Variants in CCDC85C observed in about 807,000 individuals in gnomAD.
CCDC85C encodes coiled-coil domain containing 85C.
CCDC85C carries 18 observed loss-of-function variants against 38.3 expected under a neutral mutation model. The observed-to-expected ratio is 0.47, with a 90% CI of 0.33 to 0.70. The LOEUF (loss-of-function observed/expected upper bound fraction) is 0.70, where lower values mean the gene tolerates loss of function less well. CCDC85C is among the 30% of genes least tolerant of loss of function. The pLI, the probability that CCDC85C is intolerant of heterozygous loss-of-function variation, is 0.03. For missense variants in CCDC85C, 566 were observed against 621.2 expected (o/e 0.91, Z 0.94); for synonymous variants, 264 against 293.8 (o/e 0.90, Z 1.04).
chr14:99,578,530 T>C (rs531079470), intron 1 of CCDC85C, among the ~76,000 whole-genome samples: 150 of 152,274 alleles, frequency 9.9e-4, no homozygotes, highest in Non-Finnish European at 1.6e-3. Context: ...TGTGTGTGAC[T>C]GTGCACATGT....
rs908350778 is a variant in CCDC85C at position 99,572,311 on chromosome 14, C to T, written c.793+30856G>A. Among the ~76,000 whole-genome samples, 11 of 152,214 alleles carry T rather than the reference C, an allele frequency of 7.2e-5. No homozygotes were observed. Among genetic ancestry groups the T allele is most frequent in the Non-Finnish European group, 1.0e-4 (7 of 68,026 alleles). ...CATGCCATCACTGCCGTCTCCTCCCCGCTACTTTCCCCAAGGAAACTGAAA... is the reference window on the plus strand; with the variant it reads ...CATGCCATCACTGCCGTCTCCTCCCTGCTACTTTCCCCAAGGAAACTGAAA... On this transcript the variant is annotated intron_variant, in intron 1 of 5. Coordinates refer to ENST00000380243, the MANE Select transcript of CCDC85C (RefSeq NM_001144995.2). The surrounding 1 kb of genome is among the most constrained non-coding windows in gnomAD (Gnocchi z 4.4).
At chr14:99,541,853 G>A (rs1363653772) in intron 1 of CCDC85C, among the ~76,000 whole-genome samples, 1 of 152,200 alleles carries the variant, frequency 6.6e-6, no homozygotes, top group East Asian at 1.9e-4. Flanking sequence ...GGGAGCTGCA[G>A]TGACACACAG....
At chr14:99,598,327 G>A (rs542748670) in intron 1 of CCDC85C, among the ~76,000 whole-genome samples, 31 of 152,352 alleles carry the variant, frequency 2.0e-4, no homozygotes, top group South Asian at 2.1e-4. Context: ...AATCCCCACC[G>A]GCGGAAAACA....
chr14:99,519,810 C>T (rs904161687), intron 3 of CCDC85C, among the ~76,000 whole-genome samples: 1 of 152,182 alleles, frequency 6.6e-6, no homozygotes, highest in Non-Finnish European at 1.5e-5. Context: ...AAAGGCCACA[C>T]GTCATGTGAT....
rs1271937014 is a variant in CCDC85C, at chr14:99,508,439, C to G, written c.*6807G>C. ...GCTGTGGAGGCCTCAGAGCTCTGCT[C>G]CCTCCCCCATTACAGATAGCCAGGA... On this transcript the variant is annotated 3_prime_UTR_variant, in exon 6 of 6. Transcript: ENST00000380243. The G allele has an allele frequency of 1.3e-5, 2 of 152,346 alleles. No individual in the cohort carries two copies. Among genetic ancestry groups the G allele is most frequent in the African/African-American group, 2.4e-5 (1 of 41,454 alleles). 9.4% of individuals were successfully genotyped at this position (152,346 alleles called of 1,614,324 possible).
intron 1 of CCDC85C, among the ~76,000 whole-genome samples, chr14:99,579,519 G>A (rs2054942136): frequency 6.6e-6 from 1 of 152,222 alleles, no homozygotes; most frequent in South Asian, 2.1e-4. Flanking sequence ...CCAGATCCCA[G>A]GGCATGTGTT....
chr14:99,596,009 G>C (rs8007133), intron 1 of CCDC85C, among the ~76,000 whole-genome samples: 148,173 of 152,384 alleles, frequency 0.97, 72,177 homozygotes, highest in Middle Eastern at 1. Context: ...CCCAGATGAA[G>C]AGACAGTAAT....
At chr14:99,546,254 C>A (rs1295014695) in intron 1 of CCDC85C, among the ~76,000 whole-genome samples, 1 of 151,902 alleles carries the variant, frequency 6.6e-6, no homozygotes, top group Non-Finnish European at 1.5e-5. Context: ...GCCCTGCCCC[C>A]ACAGCTCTGC....
intron 1 of CCDC85C, among the ~76,000 whole-genome samples, chr14:99,600,552 G>A (rs2055188035): frequency 1.3e-5 from 2 of 152,110 alleles, no homozygotes; most frequent in South Asian, 4.2e-4. Flanking sequence ...ACAGACCAAG[G>A]GCACAACAGA....
chr14:99,501,658 AG>A lies in CCDC85C; in HGVS notation c.*13587del. 1 of 514,498 alleles carries A rather than the reference AG, an allele frequency of 1.9e-6. No homozygotes were observed. The highest frequency in any genetic ancestry group is 3.4e-6 in the Non-Finnish European group (1 of 293,324). The allele number at this position is 514,498 out of a possible 1,614,324, so 31.9% of individuals were successfully genotyped here. A position where few individuals can be genotyped will look rare whatever the true frequency, so the allele number is the denominator to read the frequency against. ...AATTTTATCACCAGTCTGAAACATA[AG>A]TCCAAAACAATACACTGGAGAATTT... On this transcript the variant is annotated 3_prime_UTR_variant, in exon 6 of 6. Coordinates refer to ENST00000380243, the MANE Select transcript of CCDC85C (RefSeq NM_001144995.2).
In CCDC85C at chr14:99,500,710, G is replaced by C; in HGVS notation, c.*14536C>G. Reference sequence around the variant, plus strand: ...AGACAGGAAAGCTCACTTTTGTAATGCTGCTTGAGACCTGCAATTGTAATT... The same window carrying C: ...AGACAGGAAAGCTCACTTTTGTAATCCTGCTTGAGACCTGCAATTGTAATT... On this transcript the variant is annotated 3_prime_UTR_variant, in exon 6 of 6. Transcript: ENST00000380243. The C allele has an allele frequency of 8.9e-7, 1 of 1,124,602 alleles. No homozygotes were observed. The highest frequency in any genetic ancestry group is 1.3e-6 in the Non-Finnish European group (1 of 759,740). 69.7% of individuals were successfully genotyped at this position (1,124,602 alleles called of 1,614,324 possible).
intron 1 of CCDC85C, among the ~76,000 whole-genome samples, chr14:99,551,974 G>A (rs544121781): frequency 2.6e-5 from 4 of 152,204 alleles, no homozygotes; most frequent in Non-Finnish European, 4.4e-5. Flanking sequence ...TCCAGGCCCC[G>A]GGCCCATGTG....
At position 99,516,166 on chromosome 14, in the gene CCDC85C, C is replaced by G. The variant is rs779672700; in HGVS notation, c.1170+22G>C. On this transcript the variant is annotated intron_variant, in intron 5 of 5. Coordinates refer to ENST00000380243, the MANE Select transcript of CCDC85C (RefSeq NM_001144995.2). This position sits in a 1 kb window ranked among gnomAD's most constrained non-coding sequence, Gnocchi z 5.5. ...CGCACTCCCAGTGCCAAGCCTCTGC[C>G]CCCCACCCCTGGAAGCCTCACGTTG... 1 of 1,542,296 alleles carries G rather than the reference C, an allele frequency of 6.5e-7. No homozygotes were observed. The highest frequency in any genetic ancestry group is 1.2e-5 in the South Asian group (1 of 83,904).
At position 99,524,822 on chromosome 14, in the gene CCDC85C, A is replaced by AG. The variant is rs535569222; in HGVS notation, c.868-2583dup. On this transcript the variant is annotated intron_variant, in intron 2 of 5. Coordinates refer to ENST00000380243, the MANE Select transcript of CCDC85C (RefSeq NM_001144995.2). ...CTAAGGAAGGTGCTGGCCCTTCCTC[A>AG]GGGGGAGGCAGGGGGTCCACTGCCG... 2.3e-3 allele frequency among the ~76,000 whole-genome samples: 351 copies of AG among 152,280 alleles called. 1 individual carries two copies. Among genetic ancestry groups the AG allele is most frequent in the African/African-American group, 8.2e-3 (342 of 41,570 alleles).
chr14:99,569,955 C>A lies in CCDC85C; in HGVS notation c.793+33212G>T, dbSNP rs541345511. Among the ~76,000 whole-genome samples the A allele has an allele frequency of 6.6e-6, 1 of 151,802 alleles. No individual in the cohort carries two copies. The highest frequency in any genetic ancestry group is 2.4e-5 in the African/African-American group (1 of 41,394). The stretch of plus-strand genomic sequence containing the variant: ...CCAGCCTGGGTGACACAGCAACACA[C>A]TGTCTCAAAAAAAAAAGAAAGAGCC... On this transcript the variant is annotated intron_variant, in intron 1 of 5. Coordinates refer to ENST00000380243, the MANE Select transcript of CCDC85C (RefSeq NM_001144995.2). The surrounding 1 kb of genome is among the most constrained non-coding windows in gnomAD (Gnocchi z 4.3).
At position 99,512,398 on chromosome 14, in the gene CCDC85C, A is replaced by G. The variant is rs184938586; in HGVS notation, c.*2848T>C. 1 of 150,430 alleles carries G rather than the reference A, an allele frequency of 6.6e-6. No individual in the cohort carries two copies. The highest frequency in any genetic ancestry group is 1.5e-5 in the Non-Finnish European group (1 of 67,810). 9.3% of individuals were successfully genotyped at this position (150,430 alleles called of 1,614,324 possible). On this transcript the variant is annotated 3_prime_UTR_variant, in exon 6 of 6. Coordinates refer to ENST00000380243, the MANE Select transcript of CCDC85C (RefSeq NM_001144995.2). The stretch of plus-strand genomic sequence containing the variant: ...CACAGTATGAAAAATATACACCTCT[A>G]CCGCTCTGCAGTCATGCATTTAGTT...
intron 1 of CCDC85C, among the ~76,000 whole-genome samples, chr14:99,549,314 G>A (rs1174968531): frequency 6.6e-6 from 1 of 152,202 alleles, no homozygotes; most frequent in East Asian, 1.9e-4. Flanking sequence ...CCCCATTCCT[G>A]GGCTGCATAT....
intron 3 of CCDC85C, among the ~76,000 whole-genome samples, chr14:99,519,701 A>G (rs1055288010): frequency 6.6e-6 from 1 of 152,230 alleles, no homozygotes; most frequent in Admixed American, 6.5e-5. Flanking sequence ...CACCCACACA[A>G]TGGAATAGTA....
At position 99,548,371 on chromosome 14, in the gene CCDC85C, G is replaced by C. The variant is rs1310082395; in HGVS notation, c.794-12283C>G. On this transcript the variant is annotated intron_variant, in intron 1 of 5. Transcript: ENST00000380243. This position sits in a 1 kb window ranked among gnomAD's most constrained non-coding sequence, Gnocchi z 4.9. The stretch of plus-strand genomic sequence containing the variant: ...AATGAGATGCCACTGGATTGGCGGA[G>C]AGTAAAAAGTGGTCATGCTGTGTGA... 6.6e-6 allele frequency among the ~76,000 whole-genome samples: 1 copy of C among 152,142 alleles called. No homozygotes were observed. Among genetic ancestry groups the C allele is most frequent in the Non-Finnish European group, 1.5e-5 (1 of 68,036 alleles).
Sources: allele counts gnomAD v4.1 joint callset (sites outside exome capture counted in the v4.1 genomes callset), GRCh38; gene constraint gnomAD v4.1.1; non-coding constraint Gnocchi (gnomAD v3.1); transcripts MANE v1.5; gene names NCBI Gene and HGNC (gene_info 2026-07-23, HGNC 2026-07-21).